The following ERAP1 variants were observed in gnomAD, a reference collection of about 807,000 sequenced individuals.
ERAP1 encodes the protein adipocyte-derived leucine aminopeptidase.
Under a neutral mutation model 103.7 loss-of-function variants are expected in ERAP1, and 86 were observed. That is an observed-to-expected ratio of 0.83 (90% CI 0.70 to 0.99). ERAP1 has a LOEUF of 0.99. Among genes scored for constraint, ERAP1 ranks in the 50% least tolerant of loss-of-function variants. The pLI, the probability that ERAP1 is intolerant of heterozygous loss-of-function variation, is 0.00. For missense variants in ERAP1, 1,009 were observed against 1,128.4 expected (o/e 0.89, Z 1.52); for synonymous variants, 398 against 402.4 (o/e 0.99, Z 0.13).
At chr5:96,896,789 G>C in the ERAP1 span, 3 of 1,602,054 alleles carry the variant, frequency 1.9e-6, no homozygotes, top group Admixed American at 5.3e-5. Context: ...ATTCCAGAAA[G>C]GAATAATTCA....
At chr5:96,912,540 G>T in the ERAP1 span, 1 of 789,962 alleles carries the variant, frequency 1.3e-6, no homozygotes, top group East Asian at 2.8e-5. Flanking sequence ...ACTGAAAGCA[G>T]TTCAGAGATT....
the ERAP1 span, among the ~76,000 whole-genome samples, chr5:96,863,266 A>T: frequency 6.6e-6 from 1 of 152,000 alleles, no homozygotes; most frequent in Non-Finnish European, 1.5e-5. Flanking sequence ...GCCCTCTGTC[A>T]GCTGCAGAGC....
chr5:96,786,470 CTGTTTT>C lies in ERAP1; in HGVS notation c.1753_1758del (p.Lys585_Thr586del), dbSNP rs1218179619. The C allele has an allele frequency of 6.2e-7, 1 of 1,600,360 alleles. No individual in the cohort carries two copies. Among genetic ancestry groups the C allele is most frequent in the African/African-American group, 1.3e-5 (1 of 74,658 alleles). On this transcript the variant is annotated inframe_deletion and splice_region_variant, in exon 12 of 19. Transcript: ENST00000443439. ...ACTAGTAGTTTCCAAAATAAATTAC[CTGTTTT>C]TGTTTTTAGCAAAAATCGATGGACC...
chr5:96,785,343 C>A, intron 13 of ERAP1: 1 of 203,860 alleles, frequency 4.9e-6, no homozygotes, highest in Non-Finnish European at 1.0e-5. Context: ...CTTCTTTAAC[C>A]CAAGAAATGT....
In ERAP1 at chr5:96,790,539, G is replaced by A. The variant is rs745305879; in HGVS notation, c.1425C>T (p.Asn475=). ...TTGCCATACTATCCCACAGGTCCTC[G>A]TTTTTTGTATTTTTATAGCTATGCT... The part of the protein sequence containing the change: ...LQKHSYKNTK[N]EDLWDSMASI... Residue 475 remains asparagine (N), a synonymous_variant, in exon 9 of 19, where the codon AAC becomes AAT. Transcript: ENST00000443439. 12 of 1,613,730 alleles carry A rather than the reference G, an allele frequency of 7.4e-6. No homozygotes were observed. Among genetic ancestry groups the A allele is most frequent in the African/African-American group, 2.7e-5 (2 of 74,880 alleles).
chr5:96,768,950 T>C (rs1561628221), intron 19 of ERAP1: 2 of 152,406 alleles, frequency 1.3e-5, no homozygotes, highest in African/African-American at 4.8e-5. Context: ...GATGTGTCTT[T>C]TACCTCTGTG....
the ERAP1 span, among the ~76,000 whole-genome samples, chr5:96,862,033 T>C: frequency 6.6e-6 from 1 of 152,136 alleles, no homozygotes; most frequent in Non-Finnish European, 1.5e-5. Context: ...CAGGTTGGAG[T>C]GCAATAGTGC....
the ERAP1 span, chr5:96,896,965 T>TAAGTCATATGTTGGGTAACAATAGACTG: frequency 8.1e-6 from 8 of 987,682 alleles, no homozygotes; most frequent in Non-Finnish European, 1.1e-5. Context: ...GTCAACCATA[T>TAAGTCATATGTTGGGTAACAATAGACTG]TTATTCTGCT....
the ERAP1 span, chr5:96,881,519 G>A: frequency 8.8e-6 from 4 of 454,672 alleles, no homozygotes; most frequent in Admixed American, 9.5e-5. Flanking sequence ...CACGTTATGT[G>A]AATTGTGTTC....
the ERAP1 span, among the ~76,000 whole-genome samples, chr5:96,871,452 G>A: frequency 1.3e-5 from 2 of 152,180 alleles, no homozygotes; most frequent in African/African-American, 4.8e-5. Flanking sequence ...TTAAGTAGGG[G>A]AGAAGCCAAA....
chr5:96,765,694 A>G (rs1028498728), intron 19 of ERAP1, among the ~76,000 whole-genome samples: 2 of 152,196 alleles, frequency 1.3e-5, no homozygotes, highest in African/African-American at 4.8e-5. Context: ...CAGTGGCCTG[A>G]TTTTGTATTA....
the ERAP1 span, chr5:96,873,632 C>T: frequency 2.8e-6 from 1 of 354,148 alleles, no homozygotes; most frequent in South Asian, 2.1e-5. Flanking sequence ...AAGTGGAAAG[C>T]ACCCTGATGT....
At chr5:96,900,845 T>A in the ERAP1 span, among the ~76,000 whole-genome samples, 1 of 151,942 alleles carries the variant, frequency 6.6e-6, no homozygotes, top group Admixed American at 6.6e-5. Flanking sequence ...CCCGGCTAAT[T>A]TTTTTGTATT....
intron 11 of ERAP1, 80 bp downstream of exon 11, chr5:96,788,451 A>G (rs1291853177): frequency 3.9e-6 from 6 of 1,538,706 alleles, no homozygotes; most frequent in Non-Finnish European, 5.4e-6. Flanking sequence ...TGGTAAGGGC[A>G]TTATTTCAAA....
At chr5:96,852,067 GCATTCACT>G in the ERAP1 span, among the ~76,000 whole-genome samples, 4 of 152,174 alleles carry the variant, frequency 2.6e-5, no homozygotes, top group African/African-American at 9.7e-5. Context: ...GGTAATTAAG[GCATTCACT>G]CATTCACTCA....
At chr5:96,858,274 G>C in the ERAP1 span, among the ~76,000 whole-genome samples, 1 of 150,664 alleles carries the variant, frequency 6.6e-6, no homozygotes, top group Non-Finnish European at 1.5e-5. Context: ...GAGTGCAGTG[G>C]CGCTATCTTG....
upstream of ERAP1, among the ~76,000 whole-genome samples, chr5:96,810,669 G>C (rs62376390): frequency 0.019 from 2,904 of 152,288 alleles, 46 homozygotes; most frequent in Non-Finnish European, 0.031. Context: ...TAGTCCCAGA[G>C]GTGAGCCAGA....
At chr5:96,778,563 A>G (rs1774691485) in intron 18 of ERAP1, among the ~76,000 whole-genome samples, 1 of 152,226 alleles carries the variant, frequency 6.6e-6, no homozygotes, top group Non-Finnish European at 1.5e-5. Flanking sequence ...AATTGGCACC[A>G]GAGAGGTCCT....
the ERAP1 span, among the ~76,000 whole-genome samples, chr5:96,901,058 A>G: frequency 1.3e-5 from 2 of 152,168 alleles, no homozygotes; most frequent in Non-Finnish European, 2.9e-5. Flanking sequence ...TTCTCCATTC[A>G]CTACACCTCT....
Sources: gnomAD v4.1 joint callset for allele counts (sites outside exome capture counted in the v4.1 genomes callset) on GRCh38, gnomAD v4.1.1 for gene constraint, MANE v1.5 for transcripts, NCBI Gene and HGNC (gene_info 2026-07-23, HGNC 2026-07-21) for gene names.